TNS4: variants seen among roughly 807,000 people sequenced by gnomAD.
The protein encoded by TNS4 is tensin 4.
TNS4 carries 46 observed loss-of-function variants against 70.4 expected under a neutral mutation model. The observed-to-expected ratio is 0.65, with a 90% CI of 0.52 to 0.84. The LOEUF (loss-of-function observed/expected upper bound fraction) is 0.84, where lower values mean the gene tolerates loss of function less well. Among genes scored for constraint, TNS4 ranks in the 40% least tolerant of loss-of-function variants. The pLI is 0.00. For synonymous variants in TNS4, 390 were observed against 366.6 expected (o/e 1.06, Z -0.73); for missense variants, 863 against 907.0 (o/e 0.95, Z 0.62).
At position 40,496,466 on chromosome 17, in the gene TNS4, A is replaced by G. The variant is rs986218031; in HGVS notation, c.-41T>C. On this transcript the variant is annotated 5_prime_UTR_variant, in exon 2 of 13. Coordinates refer to ENST00000254051, the MANE Select transcript of TNS4 (RefSeq NM_032865.6). ...CTCTGCAGTTTACCTCTGGTCTTCAACCAGCCTCACTGACATCCCAGAGAT... is the reference window on the plus strand; with the variant it reads ...CTCTGCAGTTTACCTCTGGTCTTCAGCCAGCCTCACTGACATCCCAGAGAT... 7.6e-6 allele frequency: 12 copies of G among 1,573,382 alleles called. No homozygotes were observed. Among genetic ancestry groups the G allele is most frequent in the Admixed American group, 3.6e-5 (2 of 55,488 alleles).
chr17:40,494,167 A>T (rs2036110497), intron 2 of TNS4, among the ~76,000 whole-genome samples: 1 of 152,262 alleles, frequency 6.6e-6, no homozygotes, highest in African/African-American at 2.4e-5. Context: ...CCCAACGTGC[A>T]ACCCCAATGT....
rs9911048 is a variant in TNS4, at chr17:40,480,148, G to C, written c.1742-306C>G. 886 of 369,378 alleles carry C rather than the reference G, an allele frequency of 2.4e-3. 4 individuals carry two copies. The highest frequency in any genetic ancestry group is 0.017 in the African/African-American group (802 of 48,186). The allele number at this position is 369,378 out of a possible 1,614,324, so 22.9% of individuals were successfully genotyped here. A position where few individuals can be genotyped will look rare whatever the true frequency, so the allele number is the denominator to read the frequency against. ...ATCCTTCTGTCCACACTTAACGGCTGCTCTCCTCCCCACACCTCCATCTTC... is the reference window on the plus strand; with the variant it reads ...ATCCTTCTGTCCACACTTAACGGCTCCTCTCCTCCCCACACCTCCATCTTC... On this transcript the variant is annotated intron_variant, in intron 9 of 12. Coordinates refer to ENST00000254051, the MANE Select transcript of TNS4 (RefSeq NM_032865.6).
In TNS4 at chr17:40,482,392, C is replaced by T. The variant is rs140998686; in HGVS notation, c.1526G>A (p.Arg509Gln). The change falls in exon 7 of 13, where the codon CGA (arginine) becomes CAA (glutamine). Residue 509 changes from arginine (R) to glutamine (Q), a missense_variant. Coordinates refer to ENST00000254051, the MANE Select transcript of TNS4 (RefSeq NM_032865.6). ...GGCAGACGACTCGATGAGGAAGTGT[C>T]GGATGAGGTCATTGCTGTCCTCACC... ...RPGEDSNDLI[R>Q]HFLIESSAKG... 142 of 1,613,928 alleles carry T rather than the reference C, an allele frequency of 8.8e-5. No individual in the cohort carries two copies. Among genetic ancestry groups the T allele is most frequent in the Middle Eastern group, 1.6e-4 (1 of 6,084 alleles).
At chr17:40,493,786 C>T (rs893451130) in intron 2 of TNS4, among the ~76,000 whole-genome samples, 14 of 152,198 alleles carry the variant, frequency 9.2e-5, no homozygotes, top group African/African-American at 2.9e-4. Flanking sequence ...TGAGCCCCTT[C>T]CGTGGAGGAA....
At chr17:40,490,270 T>C (rs537974937) in intron 2 of TNS4, among the ~76,000 whole-genome samples, 2 of 152,364 alleles carry the variant, frequency 1.3e-5, no homozygotes, top group South Asian at 4.1e-4. Context: ...TTCTGAGGCC[T>C]TGTTCCTCTC....
chr17:40,480,008 C>G, intron 9 of TNS4, 166 bp from the exon 10 acceptor site: 1 of 833,276 alleles, frequency 1.2e-6, no homozygotes, highest in East Asian at 2.7e-5. Flanking sequence ...CAGTTTGAGG[C>G]CAACCCCAGA....
chr17:40,496,497 T>C lies in TNS4; in HGVS notation c.-72A>G. 6.8e-7 allele frequency: 1 copy of C among 1,479,306 alleles called. No individual in the cohort carries two copies. 91.6% of individuals were successfully genotyped at this position (1,479,306 alleles called of 1,614,324 possible). On this transcript the variant is annotated 5_prime_UTR_variant, in exon 2 of 13. Coordinates refer to ENST00000254051, the MANE Select transcript of TNS4 (RefSeq NM_032865.6). ...CTCACTGACATCCCAGAGATCTCACTTGCTAACCAGGAGCTCCCAGGATCT... is the reference window on the plus strand; with the variant it reads ...CTCACTGACATCCCAGAGATCTCACCTGCTAACCAGGAGCTCCCAGGATCT...
In TNS4 at chr17:40,485,413, C is replaced by T. The variant is rs145475361; in HGVS notation, c.1289-406G>A. ...TCTTCATAATCCTAAGAATTCCTTA[C>T]GGGAATATTCAGCTTGGAAAAGAAA... is the stretch of plus-strand genomic sequence containing the variant. On this transcript the variant is annotated intron_variant, in intron 4 of 12. Transcript: ENST00000254051. Among the ~76,000 whole-genome samples the T allele has an allele frequency of 8.6e-3, 1,303 of 152,176 alleles. 13 individuals are homozygous for T. Among genetic ancestry groups the T allele is most frequent in the Non-Finnish European group, 0.013 (914 of 68,016 alleles).
chr17:40,484,468 A>G lies in TNS4; in HGVS notation c.1501+16T>C. On this transcript the variant is annotated intron_variant, in intron 6 of 12. Coordinates refer to ENST00000254051, the MANE Select transcript of TNS4 (RefSeq NM_032865.6). ...CCTCAGTGAGGCCTTGAGTGAGCAC[A>G]GAGACAGACGCATACCTGGTCGACT... 2 of 1,608,026 alleles carry G rather than the reference A, an allele frequency of 1.2e-6. No homozygotes were observed. Among genetic ancestry groups the G allele is most frequent in the South Asian group, 2.2e-5 (2 of 91,076 alleles).
chr17:40,493,325 A>G (rs977630788), intron 2 of TNS4, among the ~76,000 whole-genome samples: 1 of 152,206 alleles, frequency 6.6e-6, no homozygotes, highest in African/African-American at 2.4e-5. Flanking sequence ...AGTAGGAAGG[A>G]TGAGATTGTA....
rs759828602 is a variant in TNS4, at chr17:40,477,781, G to A, written c.2007-52C>T. 2.0e-5 allele frequency: 32 copies of A among 1,598,088 alleles called. No individual in the cohort carries two copies. The African/African-American group carries it at 2.9e-4, about 15-fold the overall frequency. The stretch of plus-strand genomic sequence containing the variant: ...GGGGTGGGACCCAGGGAGGCATCAG[G>A]CTGGTGGGAATGGGGTGGTGGGGGG... On this transcript the variant is annotated intron_variant, in intron 12 of 12. Transcript: ENST00000254051.
chr17:40,484,993 T>G lies in TNS4; in HGVS notation c.1303A>C (p.Met435Leu). 6.2e-7 allele frequency: 1 copy of G among 1,614,218 alleles called. No individual in the cohort carries two copies. Among genetic ancestry groups the G allele is most frequent in the Non-Finnish European group, 8.5e-7 (1 of 1,180,040 alleles). ...ATCACGAACTTCATGGTGGGCTGCA[T>G]GTCCCTGGCGGGACCTGGAGACAGA... is the stretch of plus-strand genomic sequence containing the variant. ...TTCPEGPARD[M>L]QPTMKFVMDT... is the part of the protein sequence containing the mutation. Residue 435 changes from methionine (M) to leucine (L), a missense_variant, in exon 5 of 13, where the codon ATG (methionine) becomes CTG (leucine). By Grantham distance (15) the Met-to-Leu change is conservative. Coordinates refer to ENST00000254051, the MANE Select transcript of TNS4 (RefSeq NM_032865.6).
intron 2 of TNS4, among the ~76,000 whole-genome samples, chr17:40,490,079 G>A (rs1430743245): frequency 1.3e-5 from 2 of 152,220 alleles, no homozygotes; most frequent in Non-Finnish European, 2.9e-5. Flanking sequence ...AATATGCAGT[G>A]GAGTCTGAGA....
At chr17:40,483,579 TGCTGGAGCCAC>T (rs2035954217) in intron 6 of TNS4, among the ~76,000 whole-genome samples, 2 of 152,324 alleles carry the variant, frequency 1.3e-5, no homozygotes, top group South Asian at 4.1e-4. Context: ...AGGTCATCTC[TGCTGGAGCCAC>T]GCTGGCCCCG....
chr17:40,482,850 C>G (rs1202915047), intron 6 of TNS4, among the ~76,000 whole-genome samples: 1 of 152,138 alleles, frequency 6.6e-6, no homozygotes, highest in Non-Finnish European at 1.5e-5. Context: ...GCCAACACAT[C>G]TGCTCAATGG....
At chr17:40,483,861 C>T (rs1397922579) in intron 6 of TNS4, among the ~76,000 whole-genome samples, 5 of 152,208 alleles carry the variant, frequency 3.3e-5, no homozygotes, top group African/African-American at 1.2e-4. Context: ...TAAGAAGGTG[C>T]AATCCTGGGG....
chr17:40,480,350 C>T (rs561003892), intron 9 of TNS4, among the ~76,000 whole-genome samples: 1 of 152,204 alleles, frequency 6.6e-6, no homozygotes, highest in African/African-American at 2.4e-5. Flanking sequence ...TTAGACCTGA[C>T]ACCCCATAGA....
rs1476801160 is a variant in TNS4 at position 40,476,652 on chromosome 17, GT to G, written c.*935del. Reference sequence around the variant, plus strand: ...GGCCGAAGCAGGTGGATTACCTGCGGTCAGGAGTTCAAGACCAGCCTGGCCA... The same window carrying G: ...GGCCGAAGCAGGTGGATTACCTGCGGCAGGAGTTCAAGACCAGCCTGGCCA... On this transcript the variant is annotated 3_prime_UTR_variant, in exon 13 of 13. Transcript: ENST00000254051. 4.6e-5 allele frequency: 7 copies of G among 152,202 alleles called. No homozygotes were observed. Among genetic ancestry groups the G allele is most frequent in the African/African-American group, 1.4e-4 (6 of 41,392 alleles). 9.4% of individuals were successfully genotyped at this position (152,202 alleles called of 1,614,324 possible). A position where few individuals can be genotyped will look rare whatever the true frequency, so the allele number is the denominator to read the frequency against.
rs1186343151 is a variant in TNS4, at chr17:40,479,139, TTTCCTTCC to T, written c.1911-499_1911-492del. Among the ~76,000 whole-genome samples, 10 of 152,016 alleles carry T rather than the reference TTTCCTTCC, an allele frequency of 6.6e-5. No homozygotes were observed. In the East Asian group the frequency reaches 1.9e-3, roughly 29 times the overall value. On this transcript the variant is annotated intron_variant, in intron 10 of 12. Coordinates refer to ENST00000254051, the MANE Select transcript of TNS4 (RefSeq NM_032865.6). ...CACCCATGAATACTAGTTAACTCCA[TTTCCTTCC>T]TTCCTTCCTTCCTTTTTTGAGATGG...
Sources: allele counts gnomAD v4.1 joint callset (sites outside exome capture counted in the v4.1 genomes callset), GRCh38; gene constraint gnomAD v4.1.1; transcripts MANE v1.5; gene names NCBI Gene and HGNC (gene_info 2026-07-23, HGNC 2026-07-21).